Variants in SPSB1 observed in about 807,000 individuals in gnomAD.
The protein encoded by SPSB1 is splA/ryanodine receptor domain and SOCS box containing 1, also known as SPRY domain-containing SOCS box protein 1.
A neutral mutation model predicts 21.2 loss-of-function variants in SPSB1; 8 were observed. The ratio of observed to expected loss-of-function variants is 0.38; its 90% CI spans 0.22 to 0.68. The LOEUF is 0.68. Ranked by LOEUF, SPSB1 falls within the 30% of genes least tolerant of loss-of-function variation. SPSB1 has a pLI of 0.53. For missense variants in SPSB1, 242 were observed against 377.8 expected, an observed-to-expected ratio of 0.64 and a Z score of 2.98; for synonymous variants, 169 against 161.7, an observed-to-expected ratio of 1.05 and a Z score of -0.34.
At chr1:9,307,019 C>T (rs1639425414) in intron 1 of SPSB1, among the ~76,000 whole-genome samples, 2 of 151,914 alleles carry the variant, frequency 1.3e-5, no homozygotes, top group African/African-American at 4.8e-5. Flanking sequence ...CCTCCGCCTC[C>T]CAGGTTCCAG....
At chr1:9,341,749 C>A (rs1202038984) in intron 1 of SPSB1, among the ~76,000 whole-genome samples, 1 of 152,170 alleles carries the variant, frequency 6.6e-6, no homozygotes, top group Non-Finnish European at 1.5e-5. Flanking sequence ...GTTGCCCAGG[C>A]TGGAGTACAA....
At chr1:9,306,223 G>A (rs1639408250) in intron 1 of SPSB1, among the ~76,000 whole-genome samples, 1 of 152,232 alleles carries the variant, frequency 6.6e-6, no homozygotes, top group Admixed American at 6.5e-5. Context: ...CCTTTCGGGT[G>A]TGCCGAGGGA....
At chr1:9,304,798 C>G (rs751821229) in intron 1 of SPSB1, among the ~76,000 whole-genome samples, 47 of 152,066 alleles carry the variant, frequency 3.1e-4, no homozygotes, top group Non-Finnish European at 5.6e-4. Flanking sequence ...CTCAGCCCCC[C>G]AGTAGCTGGG....
rs1640468262 is a variant in SPSB1 at position 9,361,158 on chromosome 1, T to C, written c.694+4573T>C. Among the ~76,000 whole-genome samples the C allele has an allele frequency of 4.7e-4, 12 of 25,724 alleles. 2 individuals carry two copies. Among genetic ancestry groups the C allele is most frequent in the Admixed American group, 2.2e-3 (5 of 2,262 alleles). The allele number at this position is 25,724 out of a possible 152,430, so 16.9% of individuals were successfully genotyped here. A position where few individuals can be genotyped will look rare whatever the true frequency, so the allele number is the denominator to read the frequency against. ...GGCATGGCTGGATCTGTCATTTTCT[T>C]TTTTTTTTTTTTTTTTTTTTTTTTT... On this transcript the variant is annotated intron_variant, in intron 2 of 2. Transcript: ENST00000328089.
intron 1 of SPSB1, among the ~76,000 whole-genome samples, chr1:9,337,396 C>T (rs1168528567): frequency 1.3e-5 from 2 of 151,968 alleles, no homozygotes; most frequent in African/African-American, 4.8e-5. Flanking sequence ...GGGCAGGCAC[C>T]TCACACCTGG....
At chr1:9,364,149 C>T (rs2142575) in intron 2 of SPSB1, among the ~76,000 whole-genome samples, 49,272 of 152,168 alleles carry the variant, frequency 0.32, 8,648 homozygotes, top group African/African-American at 0.44. Context: ...TTTCCAGCCA[C>T]GAGGGAGAGC....
chr1:9,362,822 A>G (rs1164650926), intron 2 of SPSB1, among the ~76,000 whole-genome samples: 2 of 152,358 alleles, frequency 1.3e-5, no homozygotes, highest in East Asian at 1.9e-4. Context: ...GCTCCCAGAA[A>G]TAGCGCCTGA....
At chr1:9,340,649 G>A (rs1022041864) in intron 1 of SPSB1, among the ~76,000 whole-genome samples, 5 of 152,388 alleles carry the variant, frequency 3.3e-5, no homozygotes, top group African/African-American at 1.2e-4. Flanking sequence ...ACCTGGGTCT[G>A]CGGTCTGAGC....
intron 1 of SPSB1, among the ~76,000 whole-genome samples, chr1:9,325,222 A>ACCC (rs1200612130): frequency 5.5e-4 from 13 of 23,438 alleles, no homozygotes; most frequent in African/African-American, 9.9e-4. Context: ...GCCTCCCACC[A>ACCC]CCACCCCCCC....
rs1305828446 is a variant in SPSB1, at chr1:9,367,321, C to T, written c.695-127C>T. 6.6e-7 allele frequency: 1 copy of T among 1,520,484 alleles called. No individual in the cohort carries two copies. The highest frequency in any genetic ancestry group is 2.3e-5 in the East Asian group (1 of 44,112). The allele number at this position is 1,520,484 out of a possible 1,614,324, so 94.2% of individuals were successfully genotyped here. A position where few individuals can be genotyped will look rare whatever the true frequency, so the allele number is the denominator to read the frequency against. On this transcript the variant is annotated intron_variant, in intron 2 of 2. Coordinates refer to ENST00000328089, the MANE Select transcript of SPSB1 (RefSeq NM_025106.4). This position sits in a 1 kb window ranked among gnomAD's most constrained non-coding sequence, Gnocchi z 5.9. ...CTAAATTTAAAATGAAAAAGCATTG[C>T]ATTTTTCATTGTTTCTTTACTGATT...
chr1:9,301,536 G>T (rs953390606), intron 1 of SPSB1, among the ~76,000 whole-genome samples: 2 of 147,372 alleles, frequency 1.4e-5, no homozygotes, highest in African/African-American at 5.3e-5. Context: ...GATGTATGTG[G>T]ATAGACCTGA....
At chr1:9,296,421 TG>T (rs1253958164) in intron 1 of SPSB1, among the ~76,000 whole-genome samples, 2 of 152,240 alleles carry the variant, frequency 1.3e-5, no homozygotes, top group African/African-American at 4.8e-5. Flanking sequence ...TCAAGAAGCA[TG>T]GGCTCATTTT....
intron 1 of SPSB1, among the ~76,000 whole-genome samples, chr1:9,335,569 G>A (rs1639991621): frequency 1.3e-5 from 2 of 151,988 alleles, no homozygotes; most frequent in South Asian, 4.1e-4. Flanking sequence ...AGCACTTCGG[G>A]ATTCCAAGGT....
intron 1 of SPSB1, among the ~76,000 whole-genome samples, chr1:9,352,049 G>A (rs1435935881): frequency 2.0e-5 from 3 of 152,152 alleles, no homozygotes; most frequent in Non-Finnish European, 4.4e-5. Context: ...ATCCCTCACA[G>A]CCATGTGGTC....
intron 1 of SPSB1, among the ~76,000 whole-genome samples, chr1:9,307,729 G>T (rs1011766592): frequency 1.3e-5 from 2 of 152,216 alleles, no homozygotes; most frequent in Non-Finnish European, 2.9e-5. Context: ...CTTGCAGCCA[G>T]CGATCTTGTT....
intron 2 of SPSB1, among the ~76,000 whole-genome samples, chr1:9,362,298 G>T (rs1434071249): frequency 6.6e-6 from 1 of 152,198 alleles, no homozygotes; most frequent in Non-Finnish European, 1.5e-5. Flanking sequence ...CAGAGTTTGG[G>T]GGGGATAGGG....
rs180957563 is a variant in SPSB1, at chr1:9,317,352, T to G, written c.-150+24281T>G. Among the ~76,000 whole-genome samples the G allele has an allele frequency of 1.6e-3, 251 of 152,230 alleles. No homozygotes were observed. Among genetic ancestry groups the G allele is most frequent in the Non-Finnish European group, 2.5e-3 (172 of 68,012 alleles). On this transcript the variant is annotated intron_variant, in intron 1 of 2. Transcript: ENST00000328089. The surrounding 1 kb of genome is among the most constrained non-coding windows in gnomAD (Gnocchi z 4.3). ...CACTGGGAGCTTTGATGATACCCGGTATATAGTAAGTGCTTGATAAAAGTC... is the reference window on the plus strand; with the variant it reads ...CACTGGGAGCTTTGATGATACCCGGGATATAGTAAGTGCTTGATAAAAGTC...
rs1639401214 is a variant in SPSB1 at position 9,305,822 on chromosome 1, C to T, written c.-150+12751C>T. On this transcript the variant is annotated intron_variant, in intron 1 of 2. Transcript: ENST00000328089. The surrounding 1 kb of genome is among the most constrained non-coding windows in gnomAD (Gnocchi z 4.8). ...CAAAGAATGAGGAAGCTTTCTCTGT[C>T]TAGTGGGTGAGACAGGCCCGTCTCT... 1.3e-5 allele frequency among the ~76,000 whole-genome samples: 2 copies of T among 152,116 alleles called. No homozygotes were observed. Among genetic ancestry groups the T allele is most frequent in the Admixed American group, 6.5e-5 (1 of 15,274 alleles).
At chr1:9,297,099 G>A (rs1339974911) in intron 1 of SPSB1, among the ~76,000 whole-genome samples, 1 of 152,172 alleles carries the variant, frequency 6.6e-6, no homozygotes, top group Admixed American at 6.5e-5. Flanking sequence ...GGGATTTGTG[G>A]CAGGGCTGGG....
Sources: gnomAD v4.1 joint callset for allele counts (sites outside exome capture counted in the v4.1 genomes callset) on GRCh38, gnomAD v4.1.1 for gene constraint, Gnocchi (gnomAD v3.1) non-coding constraint, MANE v1.5 for transcripts, NCBI Gene and HGNC (gene_info 2026-07-23, HGNC 2026-07-21) for gene names.